The following NTMT2 variants were observed in gnomAD, a reference collection of about 807,000 sequenced individuals.
NTMT2 encodes the protein X-Pro-Lys N-terminal protein methyltransferase 1B.
NTMT2 carries 21 observed loss-of-function variants against 23.4 expected under a neutral mutation model. The observed-to-expected ratio is 0.90, with a 90% CI of 0.64 to 1.29. The LOEUF is 1.29. Ranked by LOEUF, NTMT2 falls within the 50% of genes most tolerant of loss-of-function variation. The pLI is 0.00. For synonymous variants in NTMT2, 131 were observed against 127.7 expected, an observed-to-expected ratio of 1.03 and a Z score of -0.17; for missense variants, 336 against 352.0, an observed-to-expected ratio of 0.95 and a Z score of 0.36.
intron 1 of NTMT2, among the ~76,000 whole-genome samples, chr1:170,151,859 T>G (rs1036853707): frequency 2.0e-5 from 3 of 152,152 alleles, no homozygotes; most frequent in Non-Finnish European, 4.4e-5. Flanking sequence ...ATAATGTTTA[T>G]CTCACATAGT....
At chr1:170,159,577 T>C (rs867754962) in intron 1 of NTMT2, among the ~76,000 whole-genome samples, 5 of 152,130 alleles carry the variant, frequency 3.3e-5, no homozygotes, top group African/African-American at 1.2e-4. Context: ...CAGAAATTTA[T>C]TGGAATCATG....
rs1408428040 is a variant in NTMT2 at position 170,160,648 on chromosome 1, C to T, written c.285C>T (p.Ser95=). ...TGGGAAATTTCATTGAACTGTCCAG[C>T]CCAGACATCCAGGCCTCTCAGAAAT... ...GMMGNFIELS[S]PDIQASQKFL... The change falls in exon 2 of 4, where the codon AGC becomes AGT. Residue 95 remains serine (S), a synonymous_variant. Transcript: ENST00000439373. 2 of 1,542,320 alleles carry T rather than the reference C, an allele frequency of 1.3e-6. No individual in the cohort carries two copies. Among genetic ancestry groups the T allele is most frequent in the African/African-American group, 1.4e-5 (1 of 72,496 alleles).
chr1:170,152,992 G>T (rs780178244), intron 1 of NTMT2, among the ~76,000 whole-genome samples: 2 of 152,074 alleles, frequency 1.3e-5, no homozygotes, highest in Non-Finnish European at 2.9e-5. Context: ...AATAATGAGT[G>T]AGTTCTCATG....
chr1:170,163,555 A>G (rs1288112795), intron 2 of NTMT2, among the ~76,000 whole-genome samples: 1 of 152,248 alleles, frequency 6.6e-6, no homozygotes, highest in Non-Finnish European at 1.5e-5. Context: ...GTAGTAATTC[A>G]TAAAAACCCC....
chr1:170,151,013 T>C (rs1285486100), intron 1 of NTMT2, among the ~76,000 whole-genome samples: 2 of 152,142 alleles, frequency 1.3e-5, no homozygotes, highest in African/African-American at 2.4e-5. Flanking sequence ...TATTCATTAA[T>C]TATATTATTG....
chr1:170,160,864 T>C (rs1361581981), intron 2 of NTMT2, among the ~76,000 whole-genome samples, 171 bp downstream of exon 2: 1 of 152,212 alleles, frequency 6.6e-6, no homozygotes, highest in Non-Finnish European at 1.5e-5. Context: ...ATTTTTGATA[T>C]GATAAATATA....
At chr1:170,158,322 A>T (rs1673204076) in intron 1 of NTMT2, among the ~76,000 whole-genome samples, 1 of 152,030 alleles carries the variant, frequency 6.6e-6, no homozygotes, top group South Asian at 2.1e-4. Context: ...TTGACAAATA[A>T]TTTTTAGTGT....
chr1:170,156,825 T>C (rs2102235476), intron 1 of NTMT2, among the ~76,000 whole-genome samples: 1 of 152,228 alleles, frequency 6.6e-6, no homozygotes, highest in South Asian at 2.1e-4. Flanking sequence ...TGACGCCTGC[T>C]GAGATTGGCA....
At chr1:170,148,748 T>C (rs528666) in intron 1 of NTMT2, among the ~76,000 whole-genome samples, 150,233 of 152,280 alleles carry the variant, frequency 0.99, 74,139 homozygotes, top group Middle Eastern at 1. Flanking sequence ...TTATTGGAGT[T>C]GTGGAGGGGA....
intron 1 of NTMT2, among the ~76,000 whole-genome samples, chr1:170,149,634 T>C (rs1373088404): frequency 1.3e-5 from 2 of 152,232 alleles, no homozygotes; most frequent in Non-Finnish European, 2.9e-5. Flanking sequence ...AGCAAAGTTC[T>C]GAGTTTAAAT....
chr1:170,148,620 G>T (rs4468224), intron 1 of NTMT2, among the ~76,000 whole-genome samples: 2 of 152,136 alleles, frequency 1.3e-5, no homozygotes, highest in Non-Finnish European at 2.9e-5. Flanking sequence ...TAGAAATTTA[G>T]GGCTATGTTA....
At position 170,167,639 on chromosome 1, in the gene NTMT2, T is replaced by A; in HGVS notation, c.734T>A (p.Leu245His). Residue 245 changes from leucine to histidine, a missense_variant, in exon 4 of 4, where the codon CTC becomes CAC. Physicochemically the swap from Leu to His is moderately conservative, Grantham distance 99. Coordinates refer to ENST00000439373, the MANE Select transcript of NTMT2 (RefSeq NM_001136107.2). ...DSSVTRDMDILRSLIRKSGLV... is the reference protein window; with the variant it reads ...DSSVTRDMDIHRSLIRKSGLV... Reference sequence around the variant, plus strand: ...AGTGTGACTCGGGACATGGACATCCTCCGGAGCCTAATAAGGAAGAGTGGG... The same window carrying A: ...AGTGTGACTCGGGACATGGACATCCACCGGAGCCTAATAAGGAAGAGTGGG... 6.4e-7 allele frequency: 1 copy of A among 1,551,636 alleles called. No individual in the cohort carries two copies.
Position 170,167,853 on chromosome 1 carries a change from C to T in NTMT2, c.*96C>T. On this transcript the variant is annotated 3_prime_UTR_variant, in exon 4 of 4. Coordinates refer to ENST00000439373, the MANE Select transcript of NTMT2 (RefSeq NM_001136107.2). ...CCCCTTGTAATGCAGATAGGGATGG[C>T]AAGAAAAGGGATACAACATATGTCT... The T allele has an allele frequency of 7.7e-7, 1 of 1,306,436 alleles. No individual in the cohort carries two copies. The highest frequency in any genetic ancestry group is 1.0e-6 in the Non-Finnish European group (1 of 969,586). 80.9% of individuals were successfully genotyped at this position (1,306,436 alleles called of 1,614,324 possible).
At chr1:170,160,312 G>A (rs1673252614) in intron 1 of NTMT2, among the ~76,000 whole-genome samples, 1 of 152,176 alleles carries the variant, frequency 6.6e-6, no homozygotes, top group South Asian at 2.1e-4. Context: ...GATCTCTGAA[G>A]ATCAGAGGAG....
Position 170,168,295 on chromosome 1 carries a change from C to T in NTMT2, c.*538C>T, listed in dbSNP as rs930412431. On this transcript the variant is annotated 3_prime_UTR_variant, in exon 4 of 4. Coordinates refer to ENST00000439373, the MANE Select transcript of NTMT2 (RefSeq NM_001136107.2). ...CCCACATATTCCAAACTGTCTTGTT[C>T]CCTGATAATTAGTATTATAGAGTAT... is the stretch of plus-strand genomic sequence containing the variant. 6.6e-6 allele frequency among the ~76,000 whole-genome samples: 1 copy of T among 151,084 alleles called. No homozygotes were observed. The highest frequency in any genetic ancestry group is 2.4e-5 in the African/African-American group (1 of 41,118).
At chr1:170,160,236 T>C (rs993494022) in intron 1 of NTMT2, among the ~76,000 whole-genome samples, 6 of 152,332 alleles carry the variant, frequency 3.9e-5, no homozygotes, top group African/African-American at 1.4e-4. Context: ...GATATAGCTA[T>C]GGGTTTATTC....
chr1:170,166,541 G>A lies in NTMT2; in HGVS notation c.370G>A (p.Gly124Ser), dbSNP rs1171914134. Reference protein sequence around the residue: ...RAGTDCALDCGSGIGRVSKHV... With the variant: ...RAGTDCALDCSSGIGRVSKHV... ...TGGAACAGACTGCGCCTTGGACTGC[G>A]GCTCCGGGATAGGAAGGGTCAGCAA... Residue 124 changes from glycine (G) to serine (S), a missense_variant, in exon 3 of 4, where the codon GGC becomes AGC. Coordinates refer to ENST00000439373, the MANE Select transcript of NTMT2 (RefSeq NM_001136107.2). 8.4e-6 allele frequency: 13 copies of A among 1,552,174 alleles called. No individual in the cohort carries two copies. Among genetic ancestry groups the A allele is most frequent in the African/African-American group, 2.7e-5 (2 of 72,982 alleles).
chr1:170,151,475 T>C (rs1234013195), intron 1 of NTMT2: 2 of 154,038 alleles, frequency 1.3e-5, no homozygotes, highest in Non-Finnish European at 2.9e-5. Flanking sequence ...CAACATTTCC[T>C]AAAAAGCACT....
At chr1:170,163,432 G>C (rs1322336471) in intron 2 of NTMT2, among the ~76,000 whole-genome samples, 1 of 152,134 alleles carries the variant, frequency 6.6e-6, no homozygotes, top group Non-Finnish European at 1.5e-5. Flanking sequence ...AGTGGGAAAA[G>C]GTGTTTAAAC....
Sources: allele counts gnomAD v4.1 joint callset (sites outside exome capture counted in the v4.1 genomes callset), GRCh38; gene constraint gnomAD v4.1.1; transcripts MANE v1.5; gene names NCBI Gene and HGNC (gene_info 2026-07-23, HGNC 2026-07-21).